PTPRG: variants seen among roughly 807,000 people sequenced by gnomAD.
PTPRG encodes protein tyrosine phosphatase receptor type G, also known as receptor-type tyrosine-protein phosphatase gamma.
In PTPRG, 102 loss-of-function variants were observed where a neutral mutation model predicts 165.3. The observed-to-expected ratio is 0.62, with a 90% CI of 0.53 to 0.73. PTPRG has a LOEUF of 0.73. Ranked by LOEUF, PTPRG falls within the 30% of genes least tolerant of loss-of-function variation. The pLI, the probability that PTPRG is intolerant of heterozygous loss-of-function variation, is 0.00. For missense variants in PTPRG, 1,866 were observed against 1,861.4 expected, an observed-to-expected ratio of 1.00 and a Z score of -0.05; for synonymous variants, 675 against 669.5, an observed-to-expected ratio of 1.01 and a Z score of -0.13.
At chr3:61,707,051 G>A (rs1330047304) in intron 1 of PTPRG, among the ~76,000 whole-genome samples, 1 of 151,970 alleles carries the variant, frequency 6.6e-6, no homozygotes, top group Non-Finnish European at 1.5e-5. Flanking sequence ...GTCTATACAG[G>A]TCATTCCATA....
At chr3:61,825,221 A>G (rs1381957617) in intron 2 of PTPRG, among the ~76,000 whole-genome samples, 1 of 152,242 alleles carries the variant, frequency 6.6e-6, no homozygotes, top group Non-Finnish European at 1.5e-5. Context: ...ATGTGTCTCA[A>G]CACTTTTAGG....
At chr3:62,010,879 G>A (rs566331765) in intron 4 of PTPRG, among the ~76,000 whole-genome samples, 13 of 152,120 alleles carry the variant, frequency 8.5e-5, no homozygotes, top group Non-Finnish European at 1.6e-4. Context: ...GGTGATGCAC[G>A]ATTTTTGCTC....
At chr3:61,971,668 TC>T (rs2040388140) in intron 2 of PTPRG, among the ~76,000 whole-genome samples, 2 of 152,244 alleles carry the variant, frequency 1.3e-5, no homozygotes, top group African/African-American at 4.8e-5. Flanking sequence ...TAGGTATACT[TC>T]CAGTTAAAAA....
intron 2 of PTPRG, among the ~76,000 whole-genome samples, chr3:61,906,401 A>G (rs1452085974): frequency 1.3e-5 from 2 of 151,778 alleles, no homozygotes; most frequent in African/African-American, 2.4e-5. Flanking sequence ...GGTTTCAGTG[A>G]GCCGAGATCA....
chr3:62,272,798 C>G, intron 21 of PTPRG, 148 bp from the exon 22 acceptor site: 1 of 879,264 alleles, frequency 1.1e-6, no homozygotes, highest in Non-Finnish European at 1.6e-6. Context: ...GATTGCGCCA[C>G]TGCACTCCAG....
intron 5 of PTPRG, among the ~76,000 whole-genome samples, chr3:62,110,690 G>T (rs1702637883): frequency 1.3e-5 from 2 of 152,174 alleles, no homozygotes; most frequent in Admixed American, 6.5e-5. Context: ...AAGTGATGTT[G>T]CAGAACACCA....
intron 2 of PTPRG, among the ~76,000 whole-genome samples, chr3:61,890,321 G>A (rs919011634): frequency 6.6e-6 from 1 of 151,244 alleles, no homozygotes; most frequent in African/African-American, 2.4e-5. Flanking sequence ...ATGTATCTTA[G>A]TCTGTTTGAT....
chr3:61,986,737 G>A (rs541779660), intron 2 of PTPRG, among the ~76,000 whole-genome samples: 2 of 152,256 alleles, frequency 1.3e-5, no homozygotes, highest in African/African-American at 4.8e-5. Flanking sequence ...GAAGGATCTT[G>A]CTGCCAAAAT....
At chr3:61,876,709 G>C (rs1215285875) in intron 2 of PTPRG, among the ~76,000 whole-genome samples, 1 of 152,136 alleles carries the variant, frequency 6.6e-6, no homozygotes. Context: ...GGGAGTTTGA[G>C]ACCAGCCTGG....
chr3:61,642,721 G>C, intron 1 of PTPRG, among the ~76,000 whole-genome samples: 1 of 152,218 alleles, frequency 6.6e-6, no homozygotes, highest in East Asian at 1.9e-4. Context: ...TGTGGTAGAA[G>C]CTTAGTGTCT....
At chr3:61,696,010 G>A (rs538496310) in intron 1 of PTPRG, among the ~76,000 whole-genome samples, 14 of 152,222 alleles carry the variant, frequency 9.2e-5, no homozygotes, top group Non-Finnish European at 1.5e-4. Context: ...ACATTCTGTG[G>A]CACAGTCAAC....
chr3:62,141,303 A>T (rs1043737944), intron 6 of PTPRG, among the ~76,000 whole-genome samples: 1 of 152,170 alleles, frequency 6.6e-6, no homozygotes, highest in Non-Finnish European at 1.5e-5. Flanking sequence ...AAACTCATAT[A>T]TGTGTACCAA....
intron 4 of PTPRG, among the ~76,000 whole-genome samples, chr3:62,038,799 T>A (rs1465926607): frequency 6.6e-6 from 1 of 152,216 alleles, no homozygotes; most frequent in African/African-American, 2.4e-5. Flanking sequence ...CAACTTCCTC[T>A]ATTTTTTAAT....
At chr3:62,185,642 C>A (rs937108578) in intron 8 of PTPRG, among the ~76,000 whole-genome samples, 2 of 152,192 alleles carry the variant, frequency 1.3e-5, no homozygotes, top group Non-Finnish European at 1.5e-5. Context: ...TGGTTGCTCT[C>A]CTGCTCTAGC....
chr3:61,697,896 G>A (rs2030701672), intron 1 of PTPRG, among the ~76,000 whole-genome samples: 1 of 152,088 alleles, frequency 6.6e-6, no homozygotes, highest in African/African-American at 2.4e-5. Context: ...AACATTCAGA[G>A]GGAGAGGGAA....
chr3:62,132,338 C>T (rs1703546656), intron 5 of PTPRG, among the ~76,000 whole-genome samples: 1 of 152,168 alleles, frequency 6.6e-6, no homozygotes, highest in East Asian at 1.9e-4. Context: ...CTTGCAGTTG[C>T]TTTTTAAGAT....
chr3:62,235,845 C>G (rs1365889697), intron 14 of PTPRG, among the ~76,000 whole-genome samples: 2 of 152,112 alleles, frequency 1.3e-5, no homozygotes, highest in Admixed American at 6.5e-5. Flanking sequence ...TTTTCTCTTC[C>G]CTTTTCCCTT....
chr3:62,197,810 A>C (rs538202318), intron 10 of PTPRG, among the ~76,000 whole-genome samples: 1 of 152,228 alleles, frequency 6.6e-6, no homozygotes, highest in Non-Finnish European at 1.5e-5. Flanking sequence ...CTGTCAGCTA[A>C]TAAGTTCAAA....
At chr3:61,647,538 C>T (rs1052735870) in intron 1 of PTPRG, among the ~76,000 whole-genome samples, 2 of 152,130 alleles carry the variant, frequency 1.3e-5, no homozygotes, top group African/African-American at 4.8e-5. Context: ...CGCCTGTAAT[C>T]CCAGCACTTT....
Sources: allele counts gnomAD v4.1 joint callset (sites outside exome capture counted in the v4.1 genomes callset), GRCh38; gene constraint gnomAD v4.1.1; transcripts MANE v1.5; gene names NCBI Gene and HGNC (gene_info 2026-07-23, HGNC 2026-07-21).